The following CACNA2D3 variants were observed in gnomAD, a reference collection of about 807,000 sequenced individuals.
CACNA2D3 encodes calcium voltage-gated channel auxiliary subunit alpha2delta 3.
In CACNA2D3, 60 loss-of-function variants were observed where a neutral mutation model predicts 160.6. That is an observed-to-expected ratio of 0.37 (90% CI 0.30 to 0.46). The LOEUF is 0.46. Ranked by LOEUF, CACNA2D3 falls within the 20% of genes least tolerant of loss-of-function variation. The probability of loss-of-function intolerance (pLI) is 1.00; values close to 1 mark genes in which losing one functional copy is unlikely to be tolerated. For synonymous variants in CACNA2D3, 558 were observed against 492.9 expected, an observed-to-expected ratio of 1.13 and a Z score of -1.75; for missense variants, 1,205 against 1,365.0, an observed-to-expected ratio of 0.88 and a Z score of 1.85.
chr3:54,283,666 G>A (rs541288070), intron 2 of CACNA2D3, among the ~76,000 whole-genome samples: 1 of 152,252 alleles, frequency 6.6e-6, no homozygotes, highest in South Asian at 2.1e-4. Flanking sequence ...GCACAAGTTG[G>A]GATACATCAC....
intron 4 of CACNA2D3, among the ~76,000 whole-genome samples, chr3:54,393,110 G>A (rs6766553): frequency 0.44 from 67,455 of 152,120 alleles, 15,948 homozygotes; most frequent in Non-Finnish European, 0.53. Flanking sequence ...GAAGGGAAGC[G>A]CCTTGCTTCT....
intron 11 of CACNA2D3, among the ~76,000 whole-genome samples, chr3:54,700,378 G>A (rs1323853423): frequency 6.6e-6 from 1 of 152,054 alleles, no homozygotes; most frequent in Admixed American, 6.5e-5. Flanking sequence ...AGCCACTTGT[G>A]GCCACTTAAA....
intron 2 of CACNA2D3, among the ~76,000 whole-genome samples, chr3:54,292,180 A>G (rs1703223926): frequency 6.6e-6 from 1 of 152,190 alleles, no homozygotes; most frequent in South Asian, 2.1e-4. Context: ...AAAAACCTAA[A>G]TGTTAGACCA....
intron 5 of CACNA2D3, among the ~76,000 whole-genome samples, chr3:54,551,423 A>G (rs1020840098): frequency 3.3e-5 from 5 of 152,200 alleles, no homozygotes; most frequent in Non-Finnish European, 5.9e-5. Context: ...TGCTTTGGGG[A>G]TATTAGAAAA....
chr3:54,257,873 CAAG>C (rs1280402465), intron 2 of CACNA2D3, among the ~76,000 whole-genome samples: 2 of 152,086 alleles, frequency 1.3e-5, no homozygotes, highest in Non-Finnish European at 2.9e-5. Flanking sequence ...GGTAGGAAGT[CAAG>C]AAGGACAATC....
At chr3:54,445,284 A>T (rs1700203898) in intron 4 of CACNA2D3, among the ~76,000 whole-genome samples, 1 of 152,152 alleles carries the variant, frequency 6.6e-6, no homozygotes, top group African/African-American at 2.4e-5. Flanking sequence ...GAACCATCTC[A>T]TTTCTTTAAA....
intron 21 of CACNA2D3, among the ~76,000 whole-genome samples, chr3:54,883,675 G>C (rs1467057073): frequency 6.6e-6 from 1 of 152,080 alleles, no homozygotes; most frequent in Non-Finnish European, 1.5e-5. Flanking sequence ...TCCCTTCTCA[G>C]GGCCTTTGCA....
At chr3:54,351,247 G>T (rs1233316272) in intron 3 of CACNA2D3, among the ~76,000 whole-genome samples, 1 of 151,948 alleles carries the variant, frequency 6.6e-6, no homozygotes, top group Non-Finnish European at 1.5e-5. Flanking sequence ...CTTCCAAAGT[G>T]CTGGGATTAC....
At chr3:54,598,307 CAAAAAAAAAAAAA>C (rs10656534) in intron 9 of CACNA2D3, among the ~76,000 whole-genome samples, 1 of 49,846 alleles carries the variant, frequency 2.0e-5, no homozygotes, top group African/African-American at 8.1e-5. Flanking sequence ...CTCCGTCTCA[CAAAAAAAAAAAAA>C]AAAAAAAAAA....
chr3:54,249,350 T>C (rs1328224538), intron 2 of CACNA2D3, among the ~76,000 whole-genome samples: 1 of 152,074 alleles, frequency 6.6e-6, no homozygotes, highest in African/African-American at 2.4e-5. Context: ...CTCTATAATG[T>C]GGGTGGGCCT....
chr3:54,881,072 C>A (rs551443773), intron 21 of CACNA2D3, among the ~76,000 whole-genome samples: 1 of 152,266 alleles, frequency 6.6e-6, no homozygotes, highest in Admixed American at 6.5e-5. Flanking sequence ...AGTTCCGATT[C>A]ATGGTTGTGA....
chr3:54,392,494 G>C (rs539106297), intron 4 of CACNA2D3, among the ~76,000 whole-genome samples: 5 of 152,306 alleles, frequency 3.3e-5, no homozygotes, highest in Non-Finnish European at 5.9e-5. Flanking sequence ...TTCTATGATA[G>C]TTTTTCTTTG....
chr3:54,167,100 C>T (rs1014959787), intron 2 of CACNA2D3, among the ~76,000 whole-genome samples: 4 of 152,148 alleles, frequency 2.6e-5, no homozygotes, highest in Non-Finnish European at 2.9e-5. Context: ...TACAGAGTGT[C>T]CTGCTGTTTC....
At chr3:54,516,996 C>A (rs547909675) in intron 5 of CACNA2D3, among the ~76,000 whole-genome samples, 3 of 152,278 alleles carry the variant, frequency 2.0e-5, no homozygotes, top group African/African-American at 7.2e-5. Context: ...GGAGTGGGAG[C>A]CCCAGAAAAG....
At chr3:54,677,614 T>TC (rs1233500699) in intron 11 of CACNA2D3, among the ~76,000 whole-genome samples, 17 of 131,356 alleles carry the variant, frequency 1.3e-4, no homozygotes, top group Admixed American at 3.1e-4. Context: ...GTTTTTGTTT[T>TC]TTTTTTGGGG....
At chr3:54,869,862 C>G (rs1699486250) in intron 17 of CACNA2D3, among the ~76,000 whole-genome samples, 1 of 152,242 alleles carries the variant, frequency 6.6e-6, no homozygotes, top group Non-Finnish European at 1.5e-5. Context: ...TTAACAAGAT[C>G]CAACTGCTAA....
chr3:54,998,011 C>T (rs4423737), intron 31 of CACNA2D3, among the ~76,000 whole-genome samples: 121,285 of 152,126 alleles, frequency 0.8, 48,788 homozygotes, highest in East Asian at 0.9. Context: ...TGATTACTAG[C>T]GTGCTGATAA....
chr3:54,212,745 C>A (rs1162173938), intron 2 of CACNA2D3, among the ~76,000 whole-genome samples: 1 of 151,966 alleles, frequency 6.6e-6, no homozygotes, highest in African/African-American at 2.4e-5. Context: ...GGTGGGAATG[C>A]CTTAGAATTT....
chr3:54,583,332 G>A (rs1350740725), intron 9 of CACNA2D3, among the ~76,000 whole-genome samples: 1 of 152,082 alleles, frequency 6.6e-6, no homozygotes, highest in Non-Finnish European at 1.5e-5. Flanking sequence ...AGAGGAAATG[G>A]GCTAAGAAAT....
Sources: gnomAD v4.1 joint callset for allele counts (sites outside exome capture counted in the v4.1 genomes callset) on GRCh38, gnomAD v4.1.1 for gene constraint, MANE v1.5 for transcripts, NCBI Gene and HGNC (gene_info 2026-07-23, HGNC 2026-07-21) for gene names.